The following PI4KA variants were observed in gnomAD, a reference collection of about 807,000 sequenced individuals.
The protein encoded by PI4KA is PI4-kinase alpha.
In PI4KA, 122 loss-of-function variants were observed where a neutral mutation model predicts 271.4. That is an observed-to-expected ratio of 0.45 (90% CI 0.39 to 0.52). The LOEUF (loss-of-function observed/expected upper bound fraction) is 0.52. Among genes scored for constraint, PI4KA ranks in the 20% least tolerant of loss-of-function variants. PI4KA has a pLI of 0.00. For missense variants in PI4KA, 1,969 were observed against 2,769.1 expected (o/e 0.71, Z 6.48); for synonymous variants, 1,041 against 1,078.8 (o/e 0.96, Z 0.69).
chr22:20,780,830 G>A (rs1381687588), intron 19 of PI4KA, among the ~76,000 whole-genome samples: 3 of 150,566 alleles, frequency 2.0e-5, no homozygotes, highest in African/African-American at 7.3e-5. Flanking sequence ...AGTTATTAAG[G>A]GGCAGAGCCA....
chr22:20,786,431 G>A (rs538214257), intron 19 of PI4KA, among the ~76,000 whole-genome samples: 23 of 152,260 alleles, frequency 1.5e-4, no homozygotes, highest in Middle Eastern at 3.4e-3. Flanking sequence ...CATGTGCTGC[G>A]GTCTGGGAAA....
chr22:20,847,754 CA>C (rs361953), intron 1 of PI4KA, among the ~76,000 whole-genome samples: 9 of 138,502 alleles, frequency 6.5e-5, no homozygotes, highest in Middle Eastern at 3.8e-3. Flanking sequence ...GACCCTGTTT[CA>C]AAAAAAAAAA....
At chr22:20,833,628 G>A (rs73390428) in intron 3 of PI4KA, among the ~76,000 whole-genome samples, 4,411 of 149,842 alleles carry the variant, frequency 0.029, 221 homozygotes, top group African/African-American at 0.1. Context: ...ACTGGGACAT[G>A]TTGCCCAGAC....
chr22:20,764,251 T>C (rs1932289389), intron 22 of PI4KA, among the ~76,000 whole-genome samples: 1 of 152,154 alleles, frequency 6.6e-6, no homozygotes, highest in Non-Finnish European at 1.5e-5. Context: ...ACATGTGTAA[T>C]GCAGCACAGT....
At chr22:20,825,700 G>A (rs1429991808) in intron 3 of PI4KA, among the ~76,000 whole-genome samples, 1 of 152,110 alleles carries the variant, frequency 6.6e-6, no homozygotes, top group Non-Finnish European at 1.5e-5. Flanking sequence ...AAACCCAAAG[G>A]TTAAGAGGAA....
intron 40 of PI4KA, 112 bp from the exon 41 acceptor site, chr22:20,727,509 G>A (rs953333902): frequency 1.0e-5 from 10 of 1,000,362 alleles, no homozygotes; most frequent in Admixed American, 6.1e-5. Flanking sequence ...TCTAAGCATC[G>A]GTAACCATGG....
chr22:20,783,086 G>C (rs1373286426), intron 19 of PI4KA, among the ~76,000 whole-genome samples: 1 of 152,234 alleles, frequency 6.6e-6, no homozygotes, highest in African/African-American at 2.4e-5. Context: ...ATACAGGAAA[G>C]GTGCTGAGAA....
rs149013949 is a variant in PI4KA at position 20,727,284 on chromosome 22, C to G, written c.4887G>C (p.Pro1629=). ...TGLSYFSSMY[P]PHPLTAQYGV... is the part of the protein sequence containing the mutation. Reference sequence around the variant, plus strand: ...CGTACTGCGCCGTGAGAGGGTGCGGCGGGTACATGCTGGAGAAGTAGGAGA... The same window carrying G: ...CGTACTGCGCCGTGAGAGGGTGCGGGGGGTACATGCTGGAGAAGTAGGAGA... Residue 1629 remains proline (P), a synonymous_variant, in exon 41 of 55, where the codon CCG becomes CCC. Transcript: ENST00000255882. 1 of 1,613,296 alleles carries G rather than the reference C, an allele frequency of 6.2e-7. No individual in the cohort carries two copies.
chr22:20,718,568 TAG>T (rs1926302351), intron 44 of PI4KA, 123 bp downstream of exon 44: 3 of 1,150,502 alleles, frequency 2.6e-6, no homozygotes, highest in Non-Finnish European at 3.9e-6. Context: ...GCCCCGCTGC[TAG>T]AGACTCTCAT....
At chr22:20,767,674 G>A (rs937671463) in intron 19 of PI4KA, among the ~76,000 whole-genome samples, 3 of 148,974 alleles carry the variant, frequency 2.0e-5, no homozygotes, top group Non-Finnish European at 4.5e-5. Flanking sequence ...TTGCTCTGTC[G>A]CCCAGGCTGG....
chr22:20,799,226 G>A lies in PI4KA; in HGVS notation c.1871C>T (p.Ala624Val), dbSNP rs767131535. Residue 624 changes from alanine to valine, a missense_variant, in exon 16 of 55, where the codon GCG becomes GTG. Coordinates refer to ENST00000255882, the MANE Select transcript of PI4KA (RefSeq NM_058004.4). ...DHTIRALGHIAVALRDTPKVM... is the reference protein window; with the variant it reads ...DHTIRALGHIVVALRDTPKVM... Reference sequence around the variant, plus strand: ...CTTCGGGGTGTCCCTCAAGGCCACCGCAATGTGTCCCAAGGCTCGGATTGT... The same window carrying A: ...CTTCGGGGTGTCCCTCAAGGCCACCACAATGTGTCCCAAGGCTCGGATTGT... The A allele has an allele frequency of 9.6e-6, 15 of 1,565,354 alleles. No homozygotes were observed. Among genetic ancestry groups the A allele is most frequent in the East Asian group, 4.5e-5 (2 of 44,048 alleles).
intron 10 of PI4KA, among the ~76,000 whole-genome samples, chr22:20,806,618 C>G (rs1935667756): frequency 6.6e-6 from 1 of 151,758 alleles, no homozygotes; most frequent in Non-Finnish European, 1.5e-5. Flanking sequence ...GTTGCAGTGA[C>G]CCCAGATCAT....
intron 7 of PI4KA, among the ~76,000 whole-genome samples, 189 bp from the exon 8 acceptor site, chr22:20,813,695 G>A (rs571730960): frequency 6.6e-6 from 1 of 152,314 alleles, no homozygotes; most frequent in East Asian, 1.9e-4. Flanking sequence ...CCCCTCACCT[G>A]TGTCTTTCAG....
chr22:20,771,900 A>C lies in PI4KA; in HGVS notation c.2329-6207T>G, dbSNP rs935147909. ...CCTGGCCGGTACTGGCTTTAAAAAT[A>C]ACAAAAGTAATACATACACATAGAA... On this transcript the variant is annotated intron_variant, in intron 19 of 54. Transcript: ENST00000255882. Among the ~76,000 whole-genome samples, 3 of 152,150 alleles carry C rather than the reference A, an allele frequency of 2.0e-5. No homozygotes were observed. The East Asian group carries it at 5.8e-4, about 29-fold the overall frequency.
At chr22:20,734,657 T>C in intron 32 of PI4KA, 104 bp from the exon 33 acceptor site, 2 of 1,181,160 alleles carry the variant, frequency 1.7e-6, no homozygotes, top group Non-Finnish European at 2.4e-6. Context: ...CTGAATAAGA[T>C]TTAGAAACCA....
intron 18 of PI4KA, among the ~76,000 whole-genome samples, chr22:20,795,254 T>A (rs1156341865): frequency 6.6e-6 from 1 of 151,588 alleles, no homozygotes; most frequent in Non-Finnish European, 1.5e-5. Context: ...CAACACCAAC[T>A]CATATTCCTT....
At position 20,858,546 on chromosome 22, in the gene PI4KA, C is replaced by A; in HGVS notation, c.156+24G>T. 2 of 1,354,598 alleles carry A rather than the reference C, an allele frequency of 1.5e-6. 1 individual carries two copies. The highest frequency in any genetic ancestry group is 6.2e-5 in the East Asian group (2 of 32,268). 83.9% of individuals were successfully genotyped at this position (1,354,598 alleles called of 1,614,324 possible). A position where few individuals can be genotyped will look rare whatever the true frequency, so the allele number is the denominator to read the frequency against. ...ACCCCAGCCCCTCCTCCTGTCAGCCCGCGGCCCAGCCCGCCGACGTTACCT... is the reference window on the plus strand; with the variant it reads ...ACCCCAGCCCCTCCTCCTGTCAGCCAGCGGCCCAGCCCGCCGACGTTACCT... On this transcript the variant is annotated intron_variant, in intron 1 of 54. Coordinates refer to ENST00000255882, the MANE Select transcript of PI4KA (RefSeq NM_058004.4).
At chr22:20,775,533 T>A (rs1435936047) in intron 19 of PI4KA, among the ~76,000 whole-genome samples, 1 of 152,260 alleles carries the variant, frequency 6.6e-6, no homozygotes, top group Non-Finnish European at 1.5e-5. Flanking sequence ...ACTCTGCCAC[T>A]CTATCTGGCC....
chr22:20,811,051 C>A lies in PI4KA; in HGVS notation c.1006-19G>T. On this transcript the variant is annotated intron_variant, in intron 8 of 54. Transcript: ENST00000255882. ...TCTTCACCTACCAAGGAAACAGAAC[C>A]TCATGAAGCAACTGACATACACAGA... The A allele has an allele frequency of 6.3e-7, 1 of 1,595,102 alleles. No homozygotes were observed. The highest frequency in any genetic ancestry group is 8.6e-7 in the Non-Finnish European group (1 of 1,162,600).
Sources: gnomAD v4.1 joint callset for allele counts (sites outside exome capture counted in the v4.1 genomes callset) on GRCh38, gnomAD v4.1.1 for gene constraint, MANE v1.5 for transcripts, NCBI Gene and HGNC (gene_info 2026-07-23, HGNC 2026-07-21) for gene names.